The following PRMT8 variants were observed in gnomAD, a reference collection of about 807,000 sequenced individuals.
The protein encoded by PRMT8 is protein arginine methyltransferase 8.
Under a neutral mutation model 47.1 loss-of-function variants are expected in PRMT8, and 7 were observed. That is an observed-to-expected ratio of 0.15 (90% confidence interval 0.08 to 0.28). PRMT8 has a LOEUF of 0.28. Ranked by LOEUF, PRMT8 falls within the 10% of genes least tolerant of loss-of-function variation. PRMT8 has a pLI of 1.00. For synonymous variants in PRMT8, 188 were observed against 186.5 expected (o/e 1.01, Z -0.07); for missense variants, 237 against 505.4 (o/e 0.47, Z 5.09).
intron 1 of PRMT8, among the ~76,000 whole-genome samples, chr12:3,475,846 A>C (rs946927636): frequency 2.8e-4 from 43 of 152,206 alleles, no homozygotes; most frequent in African/African-American, 1.0e-3. Flanking sequence ...TGTTATGCTC[A>C]TTCTCTTCTA....
chr12:3,424,764 T>C (rs1864583761), intron 1 of PRMT8, among the ~76,000 whole-genome samples: 1 of 152,170 alleles, frequency 6.6e-6, no homozygotes, highest in African/African-American at 2.4e-5. Flanking sequence ...ATAATAACCA[T>C]AAAATAATAG....
At chr12:3,427,944 A>G (rs949037866) in intron 1 of PRMT8, among the ~76,000 whole-genome samples, 1 of 152,206 alleles carries the variant, frequency 6.6e-6, no homozygotes, top group Admixed American at 6.5e-5. Flanking sequence ...TACATGTTAC[A>G]TTGTTAACTT....
intron 1 of PRMT8, among the ~76,000 whole-genome samples, chr12:3,398,297 C>T (rs1019453865): frequency 8.6e-5 from 13 of 152,030 alleles, no homozygotes; most frequent in African/African-American, 3.1e-4. Context: ...GGTGTGGGGC[C>T]GTTTTCAAAG....
chr12:3,438,725 G>A (rs1454553148), intron 1 of PRMT8, among the ~76,000 whole-genome samples: 2 of 152,182 alleles, frequency 1.3e-5, no homozygotes, highest in Non-Finnish European at 1.5e-5. Flanking sequence ...TTCGAATAGT[G>A]ACCCAGACTG....
rs1216569619 is a variant in PRMT8, at chr12:3,436,525, G to T, written c.48+55083G>T. ...GAGCTGCTATTGTCAGCGTGCAGAA[G>T]ATCTCTATTAATAGAGTAAAGATTT... On this transcript the variant is annotated intron_variant, in intron 1 of 9. Transcript: ENST00000452611. The surrounding 1 kb of genome is among the most constrained non-coding windows in gnomAD (Gnocchi z 4.2). 6.6e-6 allele frequency among the ~76,000 whole-genome samples: 1 copy of T among 151,970 alleles called. No homozygotes were observed. Among genetic ancestry groups the T allele is most frequent in the African/African-American group, 2.4e-5 (1 of 41,354 alleles).
In PRMT8 at chr12:3,493,142, G is replaced by T. The variant is rs1162550036; in HGVS notation, c.75+1442G>T. ...ACACGCTCCGGGACTTGAACGCAGC[G>T]GGGCATTCAGTAGCGAATGCTGTCT... On this transcript the variant is annotated intron_variant, in intron 1 of 9. Coordinates refer to ENST00000382622, the MANE Select transcript of PRMT8 (RefSeq NM_019854.5). The surrounding 1 kb of genome is among the most constrained non-coding windows in gnomAD (Gnocchi z 8.2). Among the ~76,000 whole-genome samples, 1 of 152,196 alleles carries T rather than the reference G, an allele frequency of 6.6e-6. No homozygotes were observed. Among genetic ancestry groups the T allele is most frequent in the African/African-American group, 2.4e-5 (1 of 41,444 alleles).
intron 1 of PRMT8, among the ~76,000 whole-genome samples, chr12:3,410,214 C>T (rs1369847178): frequency 6.6e-6 from 1 of 152,166 alleles, no homozygotes; most frequent in Non-Finnish European, 1.5e-5. Flanking sequence ...AAAAACAAAC[C>T]ATGTTTTTTA....
intron 1 of PRMT8, among the ~76,000 whole-genome samples, chr12:3,481,564 A>G (rs1469941729): frequency 6.6e-6 from 1 of 152,184 alleles, no homozygotes; most frequent in East Asian, 1.9e-4. Flanking sequence ...CAGCCCTGGC[A>G]TAGCCCTCGA....
At chr12:3,568,567 G>C (rs1024125971) in intron 4 of PRMT8, 139 bp from the exon 5 acceptor site, 5 of 920,596 alleles carry the variant, frequency 5.4e-6, no homozygotes, top group Non-Finnish European at 6.6e-6. Flanking sequence ...AACTAGTTTG[G>C]TAAAGGGTGA....
intron 1 of PRMT8, among the ~76,000 whole-genome samples, chr12:3,422,550 GTGAT>G (rs1366191688): frequency 6.6e-6 from 1 of 152,178 alleles, no homozygotes. Context: ...TGAAAGGGTT[GTGAT>G]TGATTGAGCA....
At chr12:3,449,766 A>G (rs1337086611) in intron 1 of PRMT8, among the ~76,000 whole-genome samples, 1 of 152,012 alleles carries the variant, frequency 6.6e-6, no homozygotes, top group Non-Finnish European at 1.5e-5. Context: ...CTTTTGTTGC[A>G]ATTGCTTTTG....
At position 3,593,100 on chromosome 12, in the gene PRMT8, G is replaced by A; in HGVS notation, c.1103G>A (p.Arg368Gln). Residue 368 changes from arginine (R) to glutamine (Q), a missense_variant and splice_region_variant, in exon 10 of 10, where the codon CGA becomes CAA. By Grantham distance (43) the Arg-to-Gln change is conservative. Transcript: ENST00000382622. The surrounding 1 kb of genome is among the most constrained non-coding windows in gnomAD (Gnocchi z 4.8). ...CTTCGCTCTCTCTCTGCCTTGCAGC[G>A]AGACCTCGATTTCACAGTAGACTTG... ...ISMKPNAKNV[R>Q]DLDFTVDLDF... The A allele has an allele frequency of 6.2e-7, 1 of 1,613,974 alleles. No homozygotes were observed. Among genetic ancestry groups the A allele is most frequent in the Non-Finnish European group, 8.5e-7 (1 of 1,179,904 alleles).
At position 3,577,405 on chromosome 12, in the gene PRMT8, A is replaced by T. The variant is rs143488638; in HGVS notation, c.828+419A>T. Among the ~76,000 whole-genome samples the T allele has an allele frequency of 5.0e-3, 763 of 152,074 alleles. 2 individuals are homozygous for T. Among genetic ancestry groups the T allele is most frequent in the African/African-American group, 0.017 (701 of 41,404 alleles). On this transcript the variant is annotated intron_variant, in intron 7 of 9. Transcript: ENST00000382622. ...ATCATCATCATGCTCTTGCCTCCAC[A>T]CACACCTTTGCCCCAGCGGCCTGCC...
chr12:3,391,070 A>G (rs752032850), intron 1 of PRMT8, among the ~76,000 whole-genome samples: 13 of 152,260 alleles, frequency 8.5e-5, no homozygotes, highest in Admixed American at 2.0e-4. Context: ...GATTCACCAG[A>G]GTTGCTCCTT....
chr12:3,498,644 T>C (rs924852995), intron 1 of PRMT8, among the ~76,000 whole-genome samples: 1 of 152,192 alleles, frequency 6.6e-6, no homozygotes, highest in Non-Finnish European at 1.5e-5. Context: ...TAACAAAGTA[T>C]AGCTCTTCGG....
upstream of PRMT8, among the ~76,000 whole-genome samples, chr12:3,487,498 G>T (rs1000855075): frequency 6.6e-6 from 1 of 152,242 alleles, no homozygotes; most frequent in African/African-American, 2.4e-5. Context: ...ACAGGAGACA[G>T]AATTACAGAG....
At chr12:3,585,532 A>T (rs1408103177) in intron 8 of PRMT8, among the ~76,000 whole-genome samples, 5 of 140,398 alleles carry the variant, frequency 3.6e-5, no homozygotes, top group East Asian at 2.1e-4. Flanking sequence ...ATACTTTTTA[A>T]TTTTTTTTTT....
chr12:3,552,760 C>A lies in PRMT8; in HGVS notation c.418-891C>A. 1 of 479,964 alleles carries A rather than the reference C, an allele frequency of 2.1e-6. No individual in the cohort carries two copies. Among genetic ancestry groups the A allele is most frequent in the Admixed American group, 2.1e-5 (1 of 46,612 alleles). The allele number at this position is 479,964 out of a possible 1,614,324, so 29.7% of individuals were successfully genotyped here. A position where few individuals can be genotyped will look rare whatever the true frequency, so the allele number is the denominator to read the frequency against. On this transcript the variant is annotated intron_variant, in intron 3 of 9. Coordinates refer to ENST00000382622, the MANE Select transcript of PRMT8 (RefSeq NM_019854.5). This position sits in a 1 kb window ranked among gnomAD's most constrained non-coding sequence, Gnocchi z 4.5. ...GGCGTCAGAAACTCCCTCAGTGCCCCTTTGCGAGTACTTCTCAAGGGAATG... is the reference window on the plus strand; with the variant it reads ...GGCGTCAGAAACTCCCTCAGTGCCCATTTGCGAGTACTTCTCAAGGGAATG...
At position 3,583,061 on chromosome 12, in the gene PRMT8, G is replaced by C; in HGVS notation, c.832G>C (p.Val278Leu). 1.2e-6 allele frequency: 2 copies of C among 1,613,040 alleles called. No homozygotes were observed. Among genetic ancestry groups the C allele is most frequent in the Non-Finnish European group, 1.7e-6 (2 of 1,179,624 alleles). Reference protein sequence around the residue: ...VVTNACLIKEVDIYTVKTEEL... With the variant: ...VVTNACLIKELDIYTVKTEEL... ...TTCTCTCTTCTCTGGGCTGCAGGAG[G>C]TGGACATTTACACAGTGAAGACGGA... The change falls in exon 8 of 10, where the codon GTG (valine) becomes CTG (leucine). Residue 278 changes from valine (V) to leucine (L), a missense_variant. By Grantham distance (32) the Val-to-Leu change is conservative. This residue lies in a region of PRMT8 where 151 missense variants were observed against 341.1 expected (regional missense o/e 0.44). Transcript: ENST00000382622. This position sits in a 1 kb window ranked among gnomAD's most constrained non-coding sequence, Gnocchi z 4.7.
Sources: gnomAD v4.1 joint callset for allele counts (sites outside exome capture counted in the v4.1 genomes callset) on GRCh38, gnomAD v4.1.1 for gene constraint, gnomAD v4.1.1 regional missense constraint, Gnocchi (gnomAD v3.1) non-coding constraint, MANE v1.5 for transcripts, NCBI Gene and HGNC (gene_info 2026-07-23, HGNC 2026-07-21) for gene names.